FHIT: variants seen among roughly 807,000 people sequenced by gnomAD.
The protein encoded by FHIT is bis(5'-adenosyl)-triphosphatase.
FHIT carries 19 observed loss-of-function variants against 17.9 expected under a neutral mutation model. The ratio of observed to expected loss-of-function variants is 1.06; its 90% CI spans 0.74 to 1.56. The LOEUF (loss-of-function observed/expected upper bound fraction) is 1.56, where lower values mean the gene tolerates loss of function less well. Among genes scored for constraint, FHIT ranks in the 40% most tolerant of loss-of-function variants. The pLI, the probability that FHIT is intolerant of heterozygous loss-of-function variation, is 0.00. For synonymous variants in FHIT, 81 were observed against 69.7 expected, an observed-to-expected ratio of 1.16 and a Z score of -0.81; for missense variants, 248 against 189.2, an observed-to-expected ratio of 1.31 and a Z score of -1.82.
At chr3:60,940,840 G>T (rs1054971318) in intron 3 of FHIT, among the ~76,000 whole-genome samples, 5 of 152,130 alleles carry the variant, frequency 3.3e-5, no homozygotes, top group Non-Finnish European at 5.9e-5. Context: ...TATGTTGTGG[G>T]TTGGTGATAC....
In FHIT at chr3:61,213,830, C is replaced by G. The variant is rs181359965; in HGVS notation, c.-212-13165G>C. Among the ~76,000 whole-genome samples the G allele has an allele frequency of 1.2e-3, 185 of 152,270 alleles. 2 individuals carry two copies. The highest frequency in any genetic ancestry group is 1.8e-3 in the Non-Finnish European group (124 of 68,022). On this transcript the variant is annotated intron_variant, in intron 1 of 9. Coordinates refer to ENST00000492590, the MANE Select transcript of FHIT (RefSeq NM_002012.4). ...TCTCTCAGACCACAGTGCAATCAAA[C>G]TAGAACTCAGGATTAAGAATCTCAC...
At chr3:60,592,316 G>A (rs1262896756) in intron 4 of FHIT, among the ~76,000 whole-genome samples, 1 of 150,228 alleles carries the variant, frequency 6.7e-6, no homozygotes, top group Non-Finnish European at 1.5e-5. Flanking sequence ...ATAATTTACT[G>A]AGAATACTAA....
At chr3:60,437,601 G>T (rs2030390102) in intron 5 of FHIT, among the ~76,000 whole-genome samples, 1 of 151,972 alleles carries the variant, frequency 6.6e-6, no homozygotes, top group East Asian at 1.9e-4. Flanking sequence ...TAAGCTGGGT[G>T]TTCTTTTTAA....
chr3:60,820,644 G>A (rs1373290613), intron 4 of FHIT, among the ~76,000 whole-genome samples: 1 of 152,214 alleles, frequency 6.6e-6, no homozygotes, highest in Non-Finnish European at 1.5e-5. Context: ...TTTGGAATGA[G>A]AGGGAAAGGG....
At chr3:59,771,744 GAC>G (rs1467429464) in intron 8 of FHIT, among the ~76,000 whole-genome samples, 1 of 152,134 alleles carries the variant, frequency 6.6e-6, no homozygotes, top group Non-Finnish European at 1.5e-5. Flanking sequence ...TCACACTCAA[GAC>G]ACAGACTTCT....
At chr3:60,042,980 C>A (rs1324311536) in intron 5 of FHIT, among the ~76,000 whole-genome samples, 1 of 152,114 alleles carries the variant, frequency 6.6e-6, no homozygotes, top group African/African-American at 2.4e-5. Context: ...ATGCATGGCA[C>A]TGGGCAACAG....
intron 5 of FHIT, among the ~76,000 whole-genome samples, chr3:60,124,711 C>T (rs924571470): frequency 6.6e-6 from 1 of 152,178 alleles, no homozygotes; most frequent in African/African-American, 2.4e-5. Flanking sequence ...GGTTATACTC[C>T]TTAGCTAATG....
intron 8 of FHIT, among the ~76,000 whole-genome samples, chr3:59,789,605 G>A (rs759184474): frequency 1.1e-4 from 16 of 152,080 alleles, no homozygotes; most frequent in South Asian, 2.1e-4. Flanking sequence ...TTGGTAACTC[G>A]TTTTGTCTTG....
chr3:60,762,609 A>T lies in FHIT; in HGVS notation c.-18+59310T>A, dbSNP rs568369221. On this transcript the variant is annotated intron_variant, in intron 4 of 9. Coordinates refer to ENST00000492590, the MANE Select transcript of FHIT (RefSeq NM_002012.4). ...TATGTGACAGTTAATTTCAGGTGTC[A>T]ATTTGGCTAGGCCATGGTATCCAGA... Among the ~76,000 whole-genome samples, 16 of 152,338 alleles carry T rather than the reference A, an allele frequency of 1.1e-4. 1 individual carries two copies. In the South Asian group the frequency reaches 3.3e-3, roughly 32 times the overall value.
At chr3:61,151,307 G>A (rs1040798192) in intron 2 of FHIT, among the ~76,000 whole-genome samples, 1 of 152,090 alleles carries the variant, frequency 6.6e-6, no homozygotes, top group African/African-American at 2.4e-5. Flanking sequence ...TCATAATATA[G>A]GGAATGACTC....
At chr3:60,643,446 G>C (rs890542521) in intron 4 of FHIT, among the ~76,000 whole-genome samples, 1 of 152,078 alleles carries the variant, frequency 6.6e-6, no homozygotes, top group African/African-American at 2.4e-5. Context: ...CATAGACAAA[G>C]CAAGACTAAG....
chr3:59,868,858 C>A (rs1702779770), intron 8 of FHIT, among the ~76,000 whole-genome samples: 2 of 152,156 alleles, frequency 1.3e-5, no homozygotes, highest in Admixed American at 1.3e-4. Flanking sequence ...GAAAAATTCT[C>A]TTTCCTATTG....
At chr3:60,928,417 G>A (rs1707768733) in intron 3 of FHIT, among the ~76,000 whole-genome samples, 2 of 150,502 alleles carry the variant, frequency 1.3e-5, no homozygotes, top group African/African-American at 2.4e-5. Flanking sequence ...GCATGGTGGA[G>A]TATGCCTTGG....
intron 5 of FHIT, among the ~76,000 whole-genome samples, chr3:60,061,136 G>C (rs1029429466): frequency 6.6e-6 from 1 of 152,226 alleles, no homozygotes; most frequent in Non-Finnish European, 1.5e-5. Context: ...TGGGGAAAGA[G>C]TGTTAGAGTA....
At chr3:61,054,476 A>C (rs1182486146) in intron 2 of FHIT, among the ~76,000 whole-genome samples, 1 of 152,228 alleles carries the variant, frequency 6.6e-6, no homozygotes, top group Admixed American at 6.5e-5. Flanking sequence ...TAATAGTAGC[A>C]TCAGCTAAGA....
At chr3:59,862,037 T>C (rs1216432061) in intron 8 of FHIT, among the ~76,000 whole-genome samples, 2 of 151,536 alleles carry the variant, frequency 1.3e-5, no homozygotes, top group Non-Finnish European at 2.9e-5. Flanking sequence ...CTGTAACTGA[T>C]GCTACAGTGT....
chr3:60,655,095 G>C (rs2040083698), intron 4 of FHIT, among the ~76,000 whole-genome samples: 1 of 152,132 alleles, frequency 6.6e-6, no homozygotes, highest in Non-Finnish European at 1.5e-5. Context: ...GTGTAAGTTA[G>C]TGTAAGGCAA....
chr3:60,427,487 G>T (rs906976819), intron 5 of FHIT, among the ~76,000 whole-genome samples: 1 of 152,102 alleles, frequency 6.6e-6, no homozygotes, highest in African/African-American at 2.4e-5. Flanking sequence ...TGAAAATGGT[G>T]AGACAATAAA....
intron 5 of FHIT, among the ~76,000 whole-genome samples, chr3:60,077,857 T>C (rs554811779): frequency 2.0e-5 from 3 of 152,148 alleles, no homozygotes; most frequent in African/African-American, 7.2e-5. Context: ...AAGTAGATTT[T>C]AGCTGCTCTC....
Sources: allele counts gnomAD v4.1 joint callset (sites outside exome capture counted in the v4.1 genomes callset), GRCh38; gene constraint gnomAD v4.1.1; transcripts MANE v1.5; gene names NCBI Gene and HGNC (gene_info 2026-07-23, HGNC 2026-07-21).